TBC1D4: variants seen among roughly 807,000 people sequenced by gnomAD.
The protein encoded by TBC1D4 is TBC1 domain family member 4, also known as TBC (Tre-2, BUB2, CDC16) domain-containing protein.
Under a neutral mutation model 142.5 loss-of-function variants are expected in TBC1D4, and 121 were observed. The ratio of observed to expected loss-of-function variants is 0.85; its 90% CI spans 0.73 to 0.99. TBC1D4 has a LOEUF of 0.99. Ranked by LOEUF, TBC1D4 falls within the 50% of genes least tolerant of loss-of-function variation. The pLI, the probability that TBC1D4 is intolerant of heterozygous loss-of-function variation, is 0.00. For missense variants in TBC1D4, 1,475 were observed against 1,606.6 expected (o/e 0.92, Z 1.40); for synonymous variants, 630 against 628.2 (o/e 1.00, Z -0.04).
At chr13:75,419,914 T>C (rs893153683) in intron 1 of TBC1D4, among the ~76,000 whole-genome samples, 8 of 152,128 alleles carry the variant, frequency 5.3e-5, no homozygotes, top group Admixed American at 3.3e-4. Context: ...GGTGTGCTAC[T>C]AGCAAAAAAA....
chr13:75,295,912 T>C (rs2137857665), intron 17 of TBC1D4, among the ~76,000 whole-genome samples: 2 of 152,310 alleles, frequency 1.3e-5, no homozygotes, highest in Non-Finnish European at 2.9e-5. Context: ...AGAACTTCTT[T>C]CACTAGAAGA....
intron 12 of TBC1D4, among the ~76,000 whole-genome samples, chr13:75,316,226 A>T (rs1349810466): frequency 1.3e-5 from 2 of 152,208 alleles, no homozygotes; most frequent in African/African-American, 2.4e-5. Context: ...TTGTACCCAT[A>T]TCAGTTTCAT....
At chr13:75,422,905 G>C (rs192853903) in intron 1 of TBC1D4, among the ~76,000 whole-genome samples, 1 of 152,090 alleles carries the variant, frequency 6.6e-6, no homozygotes, top group South Asian at 2.1e-4. Flanking sequence ...CTTTCCATGA[G>C]TTTGTATGTC....
At chr13:75,376,572 G>A (rs1883523631) in intron 1 of TBC1D4, among the ~76,000 whole-genome samples, 1 of 152,060 alleles carries the variant, frequency 6.6e-6, no homozygotes, top group African/African-American at 2.4e-5. Context: ...GAGACGAGAT[G>A]GGGTTTTGCC....
intron 11 of TBC1D4, 88 bp downstream of exon 11, chr13:75,324,149 C>G (rs1379684449): frequency 6.7e-7 from 1 of 1,489,698 alleles, no homozygotes; most frequent in Non-Finnish European, 9.3e-7. Flanking sequence ...ATAAATGTCA[C>G]TCCAAAATTA....
chr13:75,380,918 A>C (rs966195881), intron 1 of TBC1D4, among the ~76,000 whole-genome samples: 1 of 152,124 alleles, frequency 6.6e-6, no homozygotes, highest in African/African-American at 2.4e-5. Flanking sequence ...TACTATGCCC[A>C]ATTATAAATG....
intron 1 of TBC1D4, among the ~76,000 whole-genome samples, chr13:75,389,671 G>A (rs1018459538): frequency 6.6e-6 from 1 of 152,104 alleles, no homozygotes; most frequent in Non-Finnish European, 1.5e-5. Context: ...TTGCCATAAT[G>A]TTAGGAAATC....
intron 1 of TBC1D4, among the ~76,000 whole-genome samples, chr13:75,470,900 T>C (rs2138323910): frequency 6.6e-6 from 1 of 151,164 alleles, no homozygotes; most frequent in South Asian, 2.1e-4. Context: ...GGCACAAGAA[T>C]CACTTCAACC....
intron 15 of TBC1D4, 150 bp from the exon 16 acceptor site, chr13:75,302,551 T>G: frequency 1.1e-6 from 1 of 894,978 alleles, no homozygotes; most frequent in Non-Finnish European, 1.8e-6. Context: ...CAGAAGCATA[T>G]TTTGACAAGC....
intron 1 of TBC1D4, among the ~76,000 whole-genome samples, chr13:75,444,261 C>G (rs1439961267): frequency 6.6e-6 from 1 of 152,162 alleles, no homozygotes; most frequent in Non-Finnish European, 1.5e-5. Context: ...ATAGCTGGGA[C>G]TACAGGCACT....
chr13:75,467,330 T>A (rs1375199243), intron 1 of TBC1D4, among the ~76,000 whole-genome samples: 1 of 152,222 alleles, frequency 6.6e-6, no homozygotes, highest in Non-Finnish European at 1.5e-5. Context: ...ATCAGCAATA[T>A]CTATGTTTTT....
chr13:75,423,473 G>A (rs998523532), intron 1 of TBC1D4, among the ~76,000 whole-genome samples: 2 of 152,184 alleles, frequency 1.3e-5, no homozygotes, highest in African/African-American at 4.8e-5. Context: ...AAGAAAAAGA[G>A]AGAGAGAGTT....
Position 75,341,337 on chromosome 13 carries a change from G to A in TBC1D4, c.1501-102C>T, listed in dbSNP as rs1880684869. On this transcript the variant is annotated intron_variant, in intron 6 of 20. Transcript: ENST00000377636. Reference sequence around the variant, plus strand: ...AAATAAAGCTAAGAGTTTTAACTTCGCTCAGAAGCAAAAGTAAAATGGCAT... The same window carrying A: ...AAATAAAGCTAAGAGTTTTAACTTCACTCAGAAGCAAAAGTAAAATGGCAT... 7.5e-6 allele frequency: 10 copies of A among 1,331,070 alleles called. No individual in the cohort carries two copies. The East Asian group carries it at 1.4e-4, about 19-fold the overall frequency. The allele number at this position is 1,331,070 out of a possible 1,614,324, so 82.5% of individuals were successfully genotyped here.
chr13:75,310,415 C>T (rs79940606), intron 13 of TBC1D4, among the ~76,000 whole-genome samples: 2,019 of 152,260 alleles, frequency 0.013, 27 homozygotes, highest in Non-Finnish European at 0.02. Flanking sequence ...AAGAGAGGTG[C>T]CCCAAAACTA....
At chr13:75,363,471 T>C (rs1335898904) in intron 1 of TBC1D4, among the ~76,000 whole-genome samples, 2 of 152,218 alleles carry the variant, frequency 1.3e-5, no homozygotes, top group Non-Finnish European at 2.9e-5. Context: ...TTGCCTCCTT[T>C]GGAAAGGTTA....
intron 1 of TBC1D4, among the ~76,000 whole-genome samples, chr13:75,392,597 C>T (rs578157889): frequency 2.0e-5 from 3 of 151,614 alleles, no homozygotes; most frequent in Non-Finnish European, 2.9e-5. Flanking sequence ...CTTCCTCCCC[C>T]TCCCCTTCTT....
chr13:75,376,226 T>C (rs1883497248), intron 1 of TBC1D4, among the ~76,000 whole-genome samples: 1 of 152,196 alleles, frequency 6.6e-6, no homozygotes, highest in South Asian at 2.1e-4. Context: ...AGAAATCTTA[T>C]GATCAACCTT....
chr13:75,444,934 G>A (rs558611038), intron 1 of TBC1D4, among the ~76,000 whole-genome samples: 1 of 151,862 alleles, frequency 6.6e-6, no homozygotes, highest in African/African-American at 2.4e-5. Context: ...AGTTTTCTAG[G>A]CATTTTATGT....
intron 8 of TBC1D4, among the ~76,000 whole-genome samples, chr13:75,328,416 A>G (rs923407944): frequency 4.6e-5 from 7 of 152,126 alleles, no homozygotes; most frequent in Non-Finnish European, 7.4e-5. Context: ...ATTTTTTTTC[A>G]CATAGTCCTT....
Sources: allele counts gnomAD v4.1 joint callset (sites outside exome capture counted in the v4.1 genomes callset), GRCh38; gene constraint gnomAD v4.1.1; transcripts MANE v1.5; gene names NCBI Gene and HGNC (gene_info 2026-07-23, HGNC 2026-07-21).